PRKDC: variants seen among roughly 807,000 people sequenced by gnomAD.
PRKDC encodes protein kinase, DNA-activated, catalytic subunit.
Under a neutral mutation model 486.9 loss-of-function variants are expected in PRKDC, and 82 were observed. The ratio of observed to expected loss-of-function variants is 0.17; its 90% CI spans 0.14 to 0.20. The LOEUF (loss-of-function observed/expected upper bound fraction) is 0.20. Ranked by LOEUF, PRKDC falls within the 10% of genes least tolerant of loss-of-function variation. PRKDC has a pLI of 1.00. For synonymous variants in PRKDC, 1,895 were observed against 1,837.0 expected, an observed-to-expected ratio of 1.03 and a Z score of -0.81; for missense variants, 4,504 against 5,038.2, an observed-to-expected ratio of 0.89 and a Z score of 3.21.
chr8:47,896,987 T>C (rs1341248573), intron 30 of PRKDC, among the ~76,000 whole-genome samples, 174 bp downstream of exon 30: 1 of 152,248 alleles, frequency 6.6e-6, no homozygotes, highest in East Asian at 1.9e-4. Context: ...GGCAATTTCT[T>C]ATTAATCACA....
intron 85 of PRKDC, 62 bp from the exon 86 acceptor site, chr8:47,774,439 C>T: frequency 6.8e-7 from 1 of 1,476,416 alleles, no homozygotes; most frequent in Non-Finnish European, 9.3e-7. Flanking sequence ...TTGCCTGCAT[C>T]CCTAGTGATC....
chr8:47,954,421 C>A lies in PRKDC; in HGVS notation c.425G>T (p.Arg142Ile). The A allele has an allele frequency of 1.5e-6, 2 of 1,348,322 alleles. No homozygotes were observed. Among genetic ancestry groups the A allele is most frequent in the South Asian group, 1.6e-5 (1 of 62,774 alleles). 83.5% of individuals were successfully genotyped at this position (1,348,322 alleles called of 1,614,324 possible). A position where few individuals can be genotyped will look rare whatever the true frequency, so the allele number is the denominator to read the frequency against. ...TCCAATTTTAAATTCATCCATGAGT[C>A]TAGAACTTCTAAAAGTCTGAAGTAA... ...IKLLQTFRSS[R>I]LMDEFKIGEL... Residue 142 changes from arginine to isoleucine, a missense_variant, in exon 5 of 86, where the codon AGA (arginine) becomes ATA (isoleucine). This residue lies in a region of PRKDC where 1,969 missense variants were observed against 2,068.9 expected (regional missense o/e 0.95). Transcript: ENST00000314191.
intron 7 of PRKDC, among the ~76,000 whole-genome samples, chr8:47,951,879 C>T (rs1041020911): frequency 2.0e-5 from 3 of 152,138 alleles, no homozygotes; most frequent in African/African-American, 7.2e-5. Context: ...CGTCACTCAT[C>T]ATCAGGGAAA....
chr8:47,873,887 G>A (rs556624152), intron 40 of PRKDC, among the ~76,000 whole-genome samples: 159 of 152,094 alleles, frequency 1.0e-3, no homozygotes, highest in Non-Finnish European at 2.1e-3. Context: ...GGGGGAAATG[G>A]GGATAGTTAA....
chr8:47,869,013 T>C (rs1399337318), intron 40 of PRKDC, among the ~76,000 whole-genome samples: 1 of 152,154 alleles, frequency 6.6e-6, no homozygotes, highest in Non-Finnish European at 1.5e-5. Context: ...TCCATCCCAG[T>C]GGTCAGAAAC....
intron 7 of PRKDC, among the ~76,000 whole-genome samples, chr8:47,952,701 GA>G (rs199932710): frequency 4.7e-5 from 7 of 149,644 alleles, no homozygotes; most frequent in African/African-American, 1.2e-4. Context: ...ATTATAAAAA[GA>G]AAAAAAAAGA....
rs909409347 is a variant in PRKDC at position 47,844,005 on chromosome 8, A to G, written c.7281-3816T>C. On this transcript the variant is annotated intron_variant, in intron 54 of 85. Transcript: ENST00000314191. The stretch of plus-strand genomic sequence containing the variant: ...ACACAGTTAAGTCTACAAAACAACC[A>G]GGTAACAACACGACAACAGGATCAA... Among the ~76,000 whole-genome samples, 3 of 152,378 alleles carry G rather than the reference A, an allele frequency of 2.0e-5. No homozygotes were observed. The East Asian group carries it at 5.8e-4, about 29-fold the overall frequency.
At chr8:47,948,046 G>T (rs958710427) in intron 7 of PRKDC, among the ~76,000 whole-genome samples, 2 of 151,298 alleles carry the variant, frequency 1.3e-5, no homozygotes, top group Non-Finnish European at 2.9e-5. Context: ...TCACAGCACT[G>T]CACTACAGCC....
intron 32 of PRKDC, among the ~76,000 whole-genome samples, chr8:47,889,898 T>C (rs2089421787): frequency 6.6e-6 from 1 of 151,016 alleles, no homozygotes; most frequent in Non-Finnish European, 1.5e-5. Flanking sequence ...AAATGTTACA[T>C]ATATGAGGTA....
Position 47,782,444 on chromosome 8 carries a change from T to C in PRKDC, c.11330A>G (p.Gln3777Arg), listed in dbSNP as rs1327031018. The change falls in exon 79 of 86, where the codon CAA becomes CGA. Residue 3777 changes from glutamine (Q) to arginine (R), a missense_variant. Transcript: ENST00000314191. This position sits in a 1 kb window ranked among gnomAD's most constrained non-coding sequence, Gnocchi z 4.9. ...LFQVMNGILA[Q>R]DSACSQRALQ... The stretch of plus-strand genomic sequence containing the variant: ...GGCCCTCTGGCTGCAGGCGGAGTCT[T>C]GGGCCAGGATCCCATTCATGACCTG... 2 of 1,596,328 alleles carry C rather than the reference T, an allele frequency of 1.3e-6. No individual in the cohort carries two copies. Among genetic ancestry groups the C allele is most frequent in the Non-Finnish European group, 1.7e-6 (2 of 1,172,344 alleles).
intron 36 of PRKDC, among the ~76,000 whole-genome samples, chr8:47,885,286 G>A (rs1456918498): frequency 6.6e-6 from 1 of 151,914 alleles, no homozygotes; most frequent in Non-Finnish European, 1.5e-5. Flanking sequence ...TGAGTAGCTG[G>A]GATTACAGGC....
At chr8:47,818,350 C>T (rs191402122) in intron 67 of PRKDC, among the ~76,000 whole-genome samples, 16 of 151,966 alleles carry the variant, frequency 1.1e-4, no homozygotes, top group African/African-American at 3.1e-4. Flanking sequence ...GAGGCCGAGG[C>T]GGGCGGATCA....
chr8:47,873,433 G>C (rs1318512675), intron 40 of PRKDC, among the ~76,000 whole-genome samples: 1 of 151,950 alleles, frequency 6.6e-6, no homozygotes, highest in Non-Finnish European at 1.5e-5. Flanking sequence ...CCAGCTACTC[G>C]GGAGGGAAGC....
At chr8:47,954,478 G>T in intron 4 of PRKDC, 32 bp from the exon 5 acceptor site, 2 of 874,202 alleles carry the variant, frequency 2.3e-6, no homozygotes, top group East Asian at 3.0e-5. Flanking sequence ...CATCAATGTA[G>T]TGCGGGAATC....
At chr8:47,959,768 T>G (rs1490531721) in intron 1 of PRKDC, among the ~76,000 whole-genome samples, 1 of 152,176 alleles carries the variant, frequency 6.6e-6, no homozygotes, top group African/African-American at 2.4e-5. Flanking sequence ...CAACTTTGGC[T>G]TTAAAATATC....
intron 40 of PRKDC, among the ~76,000 whole-genome samples, chr8:47,875,755 T>G (rs1426706692): frequency 6.6e-6 from 1 of 152,252 alleles, no homozygotes; most frequent in Non-Finnish European, 1.5e-5. Flanking sequence ...AACTTCACTT[T>G]GGACAGAGAA....
intron 11 of PRKDC, among the ~76,000 whole-genome samples, chr8:47,938,490 T>C (rs934635712): frequency 6.6e-6 from 1 of 151,532 alleles, no homozygotes; most frequent in Non-Finnish European, 1.5e-5. Flanking sequence ...AAGAAATCAG[T>C]TGTTTTTTCT....
At chr8:47,828,100 G>A in intron 62 of PRKDC, 68 bp downstream of exon 62, 8 of 1,448,886 alleles carry the variant, frequency 5.5e-6, no homozygotes, top group Non-Finnish European at 7.6e-6. Context: ...GAAACATAGT[G>A]ATGATGGAAA....
rs759546039 is a variant in PRKDC at position 47,852,180 on chromosome 8, G to A, written c.7005+493C>T. Among the ~76,000 whole-genome samples the A allele has an allele frequency of 1.3e-3, 194 of 152,254 alleles. 1 individual carries two copies. The highest frequency in any genetic ancestry group is 1.8e-3 in the Non-Finnish European group (123 of 68,018). On this transcript the variant is annotated intron_variant, in intron 52 of 85. Transcript: ENST00000314191. ...CATTCAGTCCTCTTATCTGAACAGCGCACTGCACTTAAACGTTCAGTTAGG... is the reference window on the plus strand; with the variant it reads ...CATTCAGTCCTCTTATCTGAACAGCACACTGCACTTAAACGTTCAGTTAGG...
Sources: allele counts gnomAD v4.1 joint callset (sites outside exome capture counted in the v4.1 genomes callset), GRCh38; gene constraint gnomAD v4.1.1; regional missense constraint gnomAD v4.1.1; non-coding constraint Gnocchi (gnomAD v3.1); transcripts MANE v1.5; gene names NCBI Gene and HGNC (gene_info 2026-07-23, HGNC 2026-07-21).